The following IPCEF1 variants were observed in gnomAD, a reference collection of about 807,000 sequenced individuals.
IPCEF1 encodes interaction protein for cytohesin exchange factors 1.
A neutral mutation model predicts 50.9 loss-of-function variants in IPCEF1; 31 were observed. That is an observed-to-expected ratio of 0.61 (90% CI 0.46 to 0.82). The LOEUF (loss-of-function observed/expected upper bound fraction) is 0.82. IPCEF1 is among the 40% of genes least tolerant of loss of function. The pLI, the probability that IPCEF1 is intolerant of heterozygous loss-of-function variation, is 0.00. For synonymous variants in IPCEF1, 181 were observed against 192.0 expected (o/e 0.94, Z 0.47); for missense variants, 458 against 514.0 (o/e 0.89, Z 1.05).
chr6:154,317,523 T>C (rs1343621923), intron 1 of IPCEF1, among the ~76,000 whole-genome samples: 1 of 110,570 alleles, frequency 9.0e-6, no homozygotes, highest in Admixed American at 1.4e-4. Flanking sequence ...CACTCCAACC[T>C]GGGCGACAGT....
intron 1 of IPCEF1, among the ~76,000 whole-genome samples, chr6:154,337,134 A>G (rs184379759): frequency 1.3e-5 from 2 of 152,326 alleles, no homozygotes; most frequent in African/African-American, 4.8e-5. Context: ...AATATTGTAT[A>G]TCAAGAAAAA....
At chr6:154,163,657 C>T (rs1799202891) in intron 11 of IPCEF1, among the ~76,000 whole-genome samples, 2 of 152,066 alleles carry the variant, frequency 1.3e-5, no homozygotes, top group Admixed American at 6.6e-5. Flanking sequence ...TGTAGACATT[C>T]GTTGAATACT....
At chr6:154,229,512 G>A (rs1408591593) in intron 5 of IPCEF1, among the ~76,000 whole-genome samples, 1 of 150,648 alleles carries the variant, frequency 6.6e-6, no homozygotes, top group African/African-American at 2.4e-5. Flanking sequence ...ACCACACCCG[G>A]CTCATTTTTT....
At chr6:154,282,673 C>T (rs546172578) in intron 2 of IPCEF1, among the ~76,000 whole-genome samples, 3 of 151,992 alleles carry the variant, frequency 2.0e-5, no homozygotes, top group South Asian at 4.2e-4. Flanking sequence ...GGCAAAAGAG[C>T]GAGACTCCGT....
In IPCEF1 at chr6:154,354,996, T is replaced by TCACA. The variant is rs56281024; in HGVS notation, c.-62+1672_-62+1675dup. ...AAAGCTTATTTTTTAGGATTTTTCT[T>TCACA]CACACACACACACACACACACACAC... On this transcript the variant is annotated intron_variant, in intron 1 of 11. Coordinates refer to ENST00000367220, the MANE Select transcript of IPCEF1 (RefSeq NM_001130700.2). 9.5e-5 allele frequency among the ~76,000 whole-genome samples: 14 copies of TCACA among 147,496 alleles called. 1 individual carries two copies. Among genetic ancestry groups the TCACA allele is most frequent in the Admixed American group, 1.4e-4 (2 of 14,746 alleles).
chr6:154,286,876 G>GC (rs1227712148), intron 2 of IPCEF1, among the ~76,000 whole-genome samples: 3 of 152,206 alleles, frequency 2.0e-5, no homozygotes, highest in African/African-American at 7.2e-5. Context: ...ATATTGTTTG[G>GC]CCCCGTGTCC....
chr6:154,252,649 G>A (rs929443260), intron 3 of IPCEF1, among the ~76,000 whole-genome samples: 1 of 152,044 alleles, frequency 6.6e-6, no homozygotes, highest in African/African-American at 2.4e-5. Context: ...CACTCTAGCT[G>A]GGGTGACAGA....
At chr6:154,181,227 T>C (rs909678064) in intron 10 of IPCEF1, among the ~76,000 whole-genome samples, 5 of 152,322 alleles carry the variant, frequency 3.3e-5, no homozygotes, top group African/African-American at 1.2e-4. Context: ...AGGACACTAC[T>C]GACCAACAAC....
chr6:154,273,841 C>T (rs1294519430), intron 2 of IPCEF1, among the ~76,000 whole-genome samples: 2 of 142,460 alleles, frequency 1.4e-5, no homozygotes, highest in East Asian at 2.1e-4. Flanking sequence ...GCAAGCTCCG[C>T]CTCCCGGGTT....
intron 2 of IPCEF1, among the ~76,000 whole-genome samples, chr6:154,275,792 A>T (rs1782040440): frequency 6.6e-6 from 1 of 152,178 alleles, no homozygotes; most frequent in African/African-American, 2.4e-5. Flanking sequence ...CCAAGAAAAA[A>T]AAAATGATTA....
chr6:154,336,523 T>A (rs1407876841), intron 1 of IPCEF1, among the ~76,000 whole-genome samples: 1 of 152,074 alleles, frequency 6.6e-6, no homozygotes, highest in Non-Finnish European at 1.5e-5. Flanking sequence ...GGGAAGGGTA[T>A]GTGTGTTGGG....
intron 1 of IPCEF1, among the ~76,000 whole-genome samples, chr6:154,335,268 T>C (rs80000219): frequency 0.021 from 3,223 of 152,280 alleles, 61 homozygotes; most frequent in Non-Finnish European, 0.032. Context: ...CCCTAGTAAT[T>C]CCCTCAACAG....
intron 10 of IPCEF1, among the ~76,000 whole-genome samples, chr6:154,177,993 C>T (rs1188987763): frequency 1.3e-5 from 2 of 152,088 alleles, no homozygotes; most frequent in African/African-American, 4.8e-5. Flanking sequence ...TTTATAGGGA[C>T]ATGGATGAAG....
At chr6:154,304,229 T>C (rs61547453) in intron 1 of IPCEF1, among the ~76,000 whole-genome samples, 2 of 151,684 alleles carry the variant, frequency 1.3e-5, no homozygotes, top group Non-Finnish European at 2.9e-5. Context: ...CTCAAAAAAA[T>C]TTTTTTAATT....
intron 3 of IPCEF1, among the ~76,000 whole-genome samples, chr6:154,254,093 T>C (rs1215159109): frequency 1.3e-5 from 2 of 152,190 alleles, no homozygotes; most frequent in African/African-American, 4.8e-5. Flanking sequence ...TCTTAGCATA[T>C]GGGAAATTTT....
intron 1 of IPCEF1, among the ~76,000 whole-genome samples, chr6:154,311,746 C>T (rs1430655183): frequency 6.6e-6 from 1 of 152,090 alleles, no homozygotes. Flanking sequence ...TGAGAGATCG[C>T]CTCACCCCTG....
intron 1 of IPCEF1, among the ~76,000 whole-genome samples, chr6:154,347,160 G>A (rs1008818382): frequency 6.6e-6 from 1 of 152,164 alleles, no homozygotes; most frequent in African/African-American, 2.4e-5. Context: ...TCAGCTCCAG[G>A]AATGGAAAGG....
At chr6:154,321,338 T>C (rs565346196) in intron 1 of IPCEF1, among the ~76,000 whole-genome samples, 1 of 152,218 alleles carries the variant, frequency 6.6e-6, no homozygotes, top group East Asian at 1.9e-4. Flanking sequence ...GTAACTATAA[T>C]ATTTGTATAA....
At chr6:154,205,369 T>A (rs1364396117) in intron 9 of IPCEF1, among the ~76,000 whole-genome samples, 1 of 151,996 alleles carries the variant, frequency 6.6e-6, no homozygotes, top group Non-Finnish European at 1.5e-5. Context: ...CCAAAACAGG[T>A]GGATCACTTG....
Sources: allele counts gnomAD v4.1 joint callset (sites outside exome capture counted in the v4.1 genomes callset), GRCh38; gene constraint gnomAD v4.1.1; transcripts MANE v1.5; gene names NCBI Gene and HGNC (gene_info 2026-07-23, HGNC 2026-07-21).